Variants in NFATC2 observed in about 807,000 individuals in gnomAD.
NFATC2 encodes the protein nuclear factor of activated T-cells, cytoplasmic 2.
In NFATC2, 22 loss-of-function variants were observed where a neutral mutation model predicts 87.3. The observed-to-expected ratio is 0.25, with a 90% CI of 0.18 to 0.36. The LOEUF (loss-of-function observed/expected upper bound fraction) is 0.36, where lower values mean the gene tolerates loss of function less well. Among genes scored for constraint, NFATC2 ranks in the 10% least tolerant of loss-of-function variants. The probability of loss-of-function intolerance (pLI) is 1.00; values close to 1 mark genes in which losing one functional copy is unlikely to be tolerated. For synonymous variants in NFATC2, 565 were observed against 542.2 expected, an observed-to-expected ratio of 1.04 and a Z score of -0.58; for missense variants, 1,149 against 1,259.1, an observed-to-expected ratio of 0.91 and a Z score of 1.32.
At chr20:51,402,081 C>A (rs1988105764) in intron 9 of NFATC2, among the ~76,000 whole-genome samples, 1 of 152,208 alleles carries the variant, frequency 6.6e-6, no homozygotes, top group African/African-American at 2.4e-5. Context: ...GATGTCCCCT[C>A]CTAGCCAGTG....
At chr20:51,398,595 G>GAAACACACAGCTGGAAAACAAA (rs1987590410) in intron 10 of NFATC2, 48 bp downstream of exon 10, 1 of 1,389,480 alleles carries the variant, frequency 7.2e-7, no homozygotes, top group South Asian at 1.3e-5. Flanking sequence ...TCAAGTTAAG[G>GAAACACACAGCTGGAAAACAAA]AAACACACAG....
intron 3 of NFATC2, among the ~76,000 whole-genome samples, chr20:51,489,645 C>T (rs1329225089): frequency 2.6e-5 from 4 of 152,302 alleles, no homozygotes; most frequent in East Asian, 3.9e-4. Context: ...GTACAAATGG[C>T]ACATGGATAC....
At chr20:51,483,442 G>A (rs185142329) in intron 3 of NFATC2, among the ~76,000 whole-genome samples, 4 of 152,192 alleles carry the variant, frequency 2.6e-5, no homozygotes, top group Non-Finnish European at 4.4e-5. Flanking sequence ...TGGGGGAGAA[G>A]GCCGAGCGGG....
At chr20:51,420,471 T>C (rs145347563) in intron 9 of NFATC2, among the ~76,000 whole-genome samples, 1 of 152,308 alleles carries the variant, frequency 6.6e-6, no homozygotes, top group East Asian at 1.9e-4. Context: ...ATCATGGAGA[T>C]ATAACTGGCA....
intron 1 of NFATC2, among the ~76,000 whole-genome samples, chr20:51,539,376 A>C (rs920568359): frequency 3.3e-5 from 5 of 152,206 alleles, no homozygotes; most frequent in Non-Finnish European, 7.3e-5. Context: ...ACCATACAGA[A>C]GCAAAGAGAG....
At chr20:51,392,482 AG>A (rs1232022300) in intron 10 of NFATC2, among the ~76,000 whole-genome samples, 2 of 152,156 alleles carry the variant, frequency 1.3e-5, no homozygotes, top group African/African-American at 4.8e-5. Flanking sequence ...TCCTGCAAAA[AG>A]GTTCCCTAAA....
In NFATC2 at chr20:51,474,002, A is replaced by G. The variant is rs1419784527; in HGVS notation, c.1686T>C (p.Thr562=). Residue 562 remains threonine, a synonymous_variant, in exon 5 of 11, where the codon ACT becomes ACC. Coordinates refer to ENST00000371564, the MANE Select transcript of NFATC2 (RefSeq NM_012340.5). ...TACAGCACTCGATGGGGTTAGATGC[A>G]GTCTGTAAAGAGACGATTCTGCCAC... is the stretch of plus-strand genomic sequence containing the variant. ...ESSGRIVSLQ[T]ASNPIECSQR... The G allele has an allele frequency of 6.2e-7, 1 of 1,614,264 alleles. No homozygotes were observed. The highest frequency in any genetic ancestry group is 1.7e-5 in the Admixed American group (1 of 60,032).
chr20:51,517,017 T>C, intron 2 of NFATC2, 62 bp from the exon 3 acceptor site: 2 of 1,502,616 alleles, frequency 1.3e-6, no homozygotes, highest in Admixed American at 2.0e-5. Context: ...ACTTGTACAA[T>C]AATTGTAAAC....
intron 9 of NFATC2, among the ~76,000 whole-genome samples, chr20:51,413,954 A>T (rs1360625642): frequency 3.3e-5 from 5 of 152,222 alleles, no homozygotes; most frequent in Admixed American, 6.5e-5. Context: ...AATGTCTGGT[A>T]AACAGTAAAC....
At chr20:51,508,878 C>G (rs1029820286) in intron 3 of NFATC2, among the ~76,000 whole-genome samples, 41 of 152,272 alleles carry the variant, frequency 2.7e-4, no homozygotes, top group African/African-American at 9.6e-4. Context: ...CCCCTCTGGC[C>G]TGGGCCTCTG....
In NFATC2 at chr20:51,458,792, G is replaced by A. The variant is rs762957278; in HGVS notation, c.1709-4104C>T. 1.7e-4 allele frequency among the ~76,000 whole-genome samples: 26 copies of A among 151,982 alleles called. 1 individual carries two copies. Among genetic ancestry groups the A allele is most frequent in the Admixed American group, 1.3e-3 (20 of 15,260 alleles). ...TCACGCCCCTGCACTCCAGCCTGGC[G>A]ACAGAGCGAGACTCCTCTCAAAAAC... On this transcript the variant is annotated intron_variant, in intron 5 of 10. Transcript: ENST00000371564.
chr20:51,518,691 T>A (rs1049795852), intron 2 of NFATC2, among the ~76,000 whole-genome samples: 1 of 152,184 alleles, frequency 6.6e-6, no homozygotes, highest in Non-Finnish European at 1.5e-5. Flanking sequence ...AAAACAAAAA[T>A]TACAATGAAA....
chr20:51,420,430 A>T (rs1382379475), intron 9 of NFATC2, among the ~76,000 whole-genome samples: 2 of 152,208 alleles, frequency 1.3e-5, no homozygotes, highest in African/African-American at 2.4e-5. Context: ...TACAGGACAT[A>T]CAGAGGAGAC....
intron 6 of NFATC2, among the ~76,000 whole-genome samples, chr20:51,452,300 G>A (rs1985898313): frequency 1.3e-5 from 2 of 152,038 alleles, no homozygotes; most frequent in Admixed American, 1.3e-4. Flanking sequence ...GGTCTCCAGG[G>A]CACCAGACTC....
chr20:51,503,775 C>T (rs1171808051), intron 3 of NFATC2, among the ~76,000 whole-genome samples: 1 of 152,166 alleles, frequency 6.6e-6, no homozygotes, highest in Admixed American at 6.5e-5. Flanking sequence ...AGGGTAGATA[C>T]CAATGGATGA....
intron 5 of NFATC2, among the ~76,000 whole-genome samples, chr20:51,463,135 C>T (rs1025581004): frequency 3.3e-5 from 5 of 152,236 alleles, no homozygotes; most frequent in Non-Finnish European, 7.3e-5. Context: ...GCTGCCGACT[C>T]AGGCATCTCC....
intron 3 of NFATC2, among the ~76,000 whole-genome samples, chr20:51,477,864 CATGTATATATTA>C (rs1988891326): frequency 6.6e-6 from 1 of 152,044 alleles, no homozygotes; most frequent in Non-Finnish European, 1.5e-5. Context: ...CCACTAACCA[CATGTATATATTA>C]ATTAAAATTA....
intron 1 of NFATC2, among the ~76,000 whole-genome samples, chr20:51,561,143 AT>A (rs1355766358): frequency 6.6e-6 from 1 of 151,752 alleles, no homozygotes; most frequent in African/African-American, 2.4e-5. Flanking sequence ...TTTTTTTGCC[AT>A]TATGTCATAG....
intron 9 of NFATC2, among the ~76,000 whole-genome samples, chr20:51,428,407 T>A (rs957515951): frequency 7.2e-5 from 11 of 152,282 alleles, no homozygotes; most frequent in Middle Eastern, 3.4e-3. Context: ...TATTACTTAT[T>A]TTGCTTTTCC....
Sources: allele counts gnomAD v4.1 joint callset (sites outside exome capture counted in the v4.1 genomes callset), GRCh38; gene constraint gnomAD v4.1.1; transcripts MANE v1.5; gene names NCBI Gene and HGNC (gene_info 2026-07-23, HGNC 2026-07-21).